Variants in FAM184A observed in about 807,000 individuals in gnomAD.
FAM184A encodes the protein protein FAM184A.
Under a neutral mutation model 143.8 loss-of-function variants are expected in FAM184A, and 99 were observed. The ratio of observed to expected loss-of-function variants is 0.69; its 90% CI spans 0.58 to 0.81. The LOEUF (loss-of-function observed/expected upper bound fraction) is 0.81, where lower values mean the gene tolerates loss of function less well. Ranked by LOEUF, FAM184A falls within the 40% of genes least tolerant of loss-of-function variation. The pLI is 0.00. For synonymous variants in FAM184A, 427 were observed against 446.4 expected, an observed-to-expected ratio of 0.96 and a Z score of 0.55; for missense variants, 1,217 against 1,310.5, an observed-to-expected ratio of 0.93 and a Z score of 1.10.
intron 1 of FAM184A, among the ~76,000 whole-genome samples, chr6:119,140,442 C>A (rs1456524618): frequency 6.6e-6 from 1 of 152,188 alleles, no homozygotes; most frequent in Non-Finnish European, 1.5e-5. Context: ...ATGGGCCTCA[C>A]CTTTGAAGGA....
chr6:119,083,626 TC>T (rs1788135130), upstream of FAM184A, among the ~76,000 whole-genome samples: 1 of 152,210 alleles, frequency 6.6e-6, no homozygotes, highest in African/African-American at 2.4e-5. Flanking sequence ...GCTGCCAGTT[TC>T]TTTGCTAAAC....
chr6:118,989,475 T>G (rs1474645769), intron 9 of FAM184A, among the ~76,000 whole-genome samples: 1 of 152,120 alleles, frequency 6.6e-6, no homozygotes, highest in Non-Finnish European at 1.5e-5. Context: ...TTCCATTTTT[T>G]GCATATTGCA....
chr6:118,961,919 A>G lies in FAM184A; in HGVS notation c.3183T>C (p.Ser1061=), dbSNP rs1267284886. 1 of 1,613,790 alleles carries G rather than the reference A, an allele frequency of 6.2e-7. No individual in the cohort carries two copies. The highest frequency in any genetic ancestry group is 8.5e-7 in the Non-Finnish European group (1 of 1,179,876). Residue 1061 remains serine, a synonymous_variant, in exon 17 of 18, where the codon AGT becomes AGC. Coordinates refer to ENST00000338891, the MANE Select transcript of FAM184A (RefSeq NM_024581.6). Reference sequence around the variant, plus strand: ...ATTCCAGAGCACTTAGATTGGGAACACTCACAAACCTGTTTGTTGGTGATT... The same window carrying G: ...ATTCCAGAGCACTTAGATTGGGAACGCTCACAAACCTGTTTGTTGGTGATT... ...NDKSPTNRFV[S]VPNLSALESG... is the part of the protein sequence containing the mutation.
intron 1 of FAM184A, among the ~76,000 whole-genome samples, chr6:119,099,918 T>C (rs1267230784): frequency 2.0e-5 from 3 of 152,162 alleles, no homozygotes; most frequent in East Asian, 3.9e-4. Context: ...GAACCAGGAT[T>C]TGGGATCTCC....
intron 1 of FAM184A, among the ~76,000 whole-genome samples, chr6:119,051,360 G>A (rs1786757317): frequency 1.3e-5 from 2 of 152,188 alleles, no homozygotes; most frequent in South Asian, 4.1e-4. Context: ...GACATAGAGG[G>A]TAGAATGATG....
intron 1 of FAM184A, among the ~76,000 whole-genome samples, chr6:119,097,530 T>C (rs1412251308): frequency 3.3e-5 from 5 of 152,216 alleles, no homozygotes; most frequent in East Asian, 1.9e-4. Flanking sequence ...ATTTTACATA[T>C]ACATTTATAT....
intron 1 of FAM184A, among the ~76,000 whole-genome samples, chr6:119,053,480 C>T (rs1199746148): frequency 6.6e-6 from 1 of 152,140 alleles, no homozygotes; most frequent in Non-Finnish European, 1.5e-5. Context: ...AACACATCAC[C>T]CCAAATTTCT....
At chr6:119,109,974 C>T (rs892873017) in intron 1 of FAM184A, among the ~76,000 whole-genome samples, 4 of 152,228 alleles carry the variant, frequency 2.6e-5, no homozygotes, top group South Asian at 4.1e-4. Context: ...TTTAAACACA[C>T]ATTTAACTCA....
intron 16 of FAM184A, chr6:118,963,481 G>A (rs1404665414): frequency 3.9e-5 from 6 of 152,054 alleles, no homozygotes; most frequent in African/African-American, 1.4e-4. Flanking sequence ...TAGACTCTGA[G>A]ATACAGCTAC....
chr6:119,044,419 C>G (rs932045594), intron 1 of FAM184A, among the ~76,000 whole-genome samples: 2 of 151,962 alleles, frequency 1.3e-5, no homozygotes, highest in African/African-American at 4.8e-5. Context: ...TCTGTCTCTA[C>G]GAAAAATTTA....
At chr6:118,972,660 G>A (rs907349700) in intron 14 of FAM184A, among the ~76,000 whole-genome samples, 2 of 152,134 alleles carry the variant, frequency 1.3e-5, no homozygotes, top group African/African-American at 4.8e-5. Flanking sequence ...GATTCATAAT[G>A]TGCAAAACCA....
intron 1 of FAM184A, among the ~76,000 whole-genome samples, chr6:119,054,348 A>C (rs1463548539): frequency 2.0e-5 from 3 of 152,236 alleles, no homozygotes; most frequent in Non-Finnish European, 4.4e-5. Context: ...ACAGAAATTT[A>C]TCTCTTACAG....
chr6:118,989,122 C>A (rs1036541046), intron 9 of FAM184A, among the ~76,000 whole-genome samples: 1 of 151,922 alleles, frequency 6.6e-6, no homozygotes, highest in African/African-American at 2.4e-5. Context: ...CCACTGCGCC[C>A]GGCTAATTTT....
chr6:119,104,824 A>T (rs1394443397), intron 1 of FAM184A, among the ~76,000 whole-genome samples: 1 of 152,168 alleles, frequency 6.6e-6, no homozygotes, highest in Non-Finnish European at 1.5e-5. Context: ...ATACTACCTC[A>T]ACTAGGTGAT....
intron 1 of FAM184A, among the ~76,000 whole-genome samples, chr6:119,066,429 C>T (rs957471374): frequency 1.3e-5 from 2 of 152,190 alleles, no homozygotes; most frequent in Non-Finnish European, 2.9e-5. Flanking sequence ...GATCCCTAAC[C>T]TAACCACATC....
At chr6:119,080,155 C>T (rs974308598), upstream of FAM184A, among the ~76,000 whole-genome samples, 1 of 152,142 alleles carries the variant, frequency 6.6e-6, no homozygotes, top group South Asian at 2.1e-4. Flanking sequence ...ATTTGTATAG[C>T]CAAGTCTTGC....
At chr6:119,100,941 A>G (rs1478424108) in intron 1 of FAM184A, among the ~76,000 whole-genome samples, 2 of 151,628 alleles carry the variant, frequency 1.3e-5, no homozygotes, top group South Asian at 2.1e-4. Flanking sequence ...CCTGGGCAAC[A>G]GAGCAAGACT....
chr6:119,132,900 A>C (rs767249728), intron 1 of FAM184A, among the ~76,000 whole-genome samples: 4 of 152,224 alleles, frequency 2.6e-5, no homozygotes, highest in Admixed American at 6.5e-5. Flanking sequence ...AGATGTTCAC[A>C]TGAGGCCCCA....
At chr6:118,997,972 G>C (rs990460054) in intron 9 of FAM184A, among the ~76,000 whole-genome samples, 1 of 152,254 alleles carries the variant, frequency 6.6e-6, no homozygotes, top group Non-Finnish European at 1.5e-5. Flanking sequence ...TCTTGATAAA[G>C]AGCATTTATT....
Sources: gnomAD v4.1 joint callset for allele counts (sites outside exome capture counted in the v4.1 genomes callset) on GRCh38, gnomAD v4.1.1 for gene constraint, MANE v1.5 for transcripts, NCBI Gene and HGNC (gene_info 2026-07-23, HGNC 2026-07-21) for gene names.